Variants in SLCO3A1 observed in about 807,000 individuals in gnomAD.
The protein encoded by SLCO3A1 is PGE1 transporter.
Under a neutral mutation model 63.1 loss-of-function variants are expected in SLCO3A1, and 27 were observed. The observed-to-expected ratio is 0.43, with a 90% CI of 0.32 to 0.59. The LOEUF is 0.59. SLCO3A1 is among the 20% of genes least tolerant of loss of function. The pLI, the probability that SLCO3A1 is intolerant of heterozygous loss-of-function variation, is 0.09. For missense variants in SLCO3A1, 773 were observed against 945.8 expected (o/e 0.82, Z 2.40); for synonymous variants, 473 against 409.9 (o/e 1.15, Z -1.86).
chr15:91,981,589 A>G (rs2045988099), intron 2 of SLCO3A1, among the ~76,000 whole-genome samples: 1 of 152,170 alleles, frequency 6.6e-6, no homozygotes, highest in South Asian at 2.1e-4. Flanking sequence ...TGGTGATCGT[A>G]ACATTTATCA....
intron 2 of SLCO3A1, among the ~76,000 whole-genome samples, chr15:91,927,351 T>A (rs537190431): frequency 6.6e-6 from 1 of 152,258 alleles, no homozygotes; most frequent in East Asian, 1.9e-4. Flanking sequence ...CTTGGATCAT[T>A]AATAGAATCT....
intron 1 of SLCO3A1, among the ~76,000 whole-genome samples, chr15:91,903,965 G>C (rs942334769): frequency 7.3e-6 from 1 of 137,622 alleles, no homozygotes; most frequent in Non-Finnish European, 1.6e-5. Flanking sequence ...GAGAGGGTGA[G>C]AGTGAAGAGG....
rs1897091273 is a variant in SLCO3A1 at position 91,863,315 on chromosome 15, A to C, written c.180+9227A>C. On this transcript the variant is annotated intron_variant, in intron 1 of 9. Transcript: ENST00000318445. The surrounding 1 kb of genome is among the most constrained non-coding windows in gnomAD (Gnocchi z 4.3). ...CAGCTCCCCTTCTCTCCAGGGGTAC[A>C]GGAGGCTTGTCCTGGGTCTGTGGTC... 6.6e-6 allele frequency among the ~76,000 whole-genome samples: 1 copy of C among 152,230 alleles called. No individual in the cohort carries two copies. Among genetic ancestry groups the C allele is most frequent in the Non-Finnish European group, 1.5e-5 (1 of 68,030 alleles).
intron 1 of SLCO3A1, among the ~76,000 whole-genome samples, chr15:91,906,266 A>G (rs1357605499): frequency 2.0e-5 from 3 of 152,314 alleles, no homozygotes; most frequent in African/African-American, 4.8e-5. Context: ...ACTAGGGGCT[A>G]ACTAACTATG....
chr15:92,109,024 A>G (rs2047698016), intron 4 of SLCO3A1, among the ~76,000 whole-genome samples: 1 of 152,210 alleles, frequency 6.6e-6, no homozygotes, highest in African/African-American at 2.4e-5. Flanking sequence ...AATGCACAGA[A>G]CAGTGCATAG....
chr15:92,104,634 T>A (rs1247199553), intron 4 of SLCO3A1, 92 bp downstream of exon 4: 1 of 1,311,286 alleles, frequency 7.6e-7, no homozygotes, highest in African/African-American at 1.5e-5. Flanking sequence ...ACTGGGGTGC[T>A]TGGGGACTTG....
At chr15:91,861,087 CAGTGT>C (rs1449552731) in intron 1 of SLCO3A1, among the ~76,000 whole-genome samples, 1 of 152,208 alleles carries the variant, frequency 6.6e-6, no homozygotes, top group Non-Finnish European at 1.5e-5. Flanking sequence ...AATCAGGTGG[CAGTGT>C]ATGTTTTAGG....
rs1192771675 is a variant in SLCO3A1, at chr15:92,163,634, A to AGGTGGG, written c.*508_*513dup. The AGGTGGG allele has an allele frequency of 5.1e-6, 5 of 984,356 alleles. No homozygotes were observed. Among genetic ancestry groups the AGGTGGG allele is most frequent in the Middle Eastern group, 5.2e-4 (1 of 1,910 alleles). The allele number at this position is 984,356 out of a possible 1,614,324, so 61.0% of individuals were successfully genotyped here. On this transcript the variant is annotated 3_prime_UTR_variant, in exon 10 of 10. Transcript: ENST00000318445. ...ACACCCCGTGCCACCCTCTTCCTCC[A>AGGTGGG]GGTGGGGGTGGGGGCGGGCGCACAA...
intron 2 of SLCO3A1, among the ~76,000 whole-genome samples, chr15:91,920,739 A>G (rs1469367466): frequency 6.6e-6 from 1 of 152,142 alleles, no homozygotes; most frequent in African/African-American, 2.4e-5. Flanking sequence ...AGGCCACCTT[A>G]CAACTTCCCA....
At chr15:91,869,008 A>G (rs76175185) in intron 1 of SLCO3A1, among the ~76,000 whole-genome samples, 7,630 of 152,238 alleles carry the variant, frequency 0.05, 617 homozygotes, top group African/African-American at 0.17. Context: ...AAAATTCAAA[A>G]TCCCCCATTC....
At chr15:92,150,829 C>A in intron 8 of SLCO3A1, 121 bp from the exon 9 acceptor site, 2 of 596,590 alleles carry the variant, frequency 3.4e-6, no homozygotes, top group Non-Finnish European at 2.9e-6. Context: ...AAAAAAGACA[C>A]TATTAGTAAT....
intron 1 of SLCO3A1, among the ~76,000 whole-genome samples, chr15:91,899,468 A>G (rs1381316449): frequency 1.3e-5 from 2 of 152,098 alleles, no homozygotes; most frequent in African/African-American, 4.8e-5. Flanking sequence ...TTTACTCTAT[A>G]AGATGTATGT....
intron 9 of SLCO3A1, among the ~76,000 whole-genome samples, chr15:92,155,553 ATG>A (rs1207062371): frequency 6.6e-6 from 1 of 152,146 alleles, no homozygotes; most frequent in African/African-American, 2.4e-5. Flanking sequence ...GGGAGAGTGA[ATG>A]TACATTCAGA....
intron 3 of SLCO3A1, among the ~76,000 whole-genome samples, chr15:92,100,306 C>T (rs540924704): frequency 1.3e-5 from 2 of 152,260 alleles, no homozygotes; most frequent in East Asian, 1.9e-4. Flanking sequence ...GGAATGACCA[C>T]GGGGTAGATT....
chr15:91,941,953 G>T lies in SLCO3A1; in HGVS notation c.646+25495G>T, dbSNP rs538191262. On this transcript the variant is annotated intron_variant, in intron 2 of 9. Coordinates refer to ENST00000318445, the MANE Select transcript of SLCO3A1 (RefSeq NM_013272.4). This position sits in a 1 kb window ranked among gnomAD's most constrained non-coding sequence, Gnocchi z 4.4. ...GGGCTTGCACCAGCGTACTGGCTGA[G>T]GACTGCCTGCCTTTGAGCTAGGTCT... 8.5e-5 allele frequency among the ~76,000 whole-genome samples: 13 copies of T among 152,316 alleles called. No individual in the cohort carries two copies. Among genetic ancestry groups the T allele is most frequent in the Admixed American group, 3.3e-4 (5 of 15,298 alleles).
At chr15:92,058,490 C>T (rs1256470035) in intron 2 of SLCO3A1, among the ~76,000 whole-genome samples, 2 of 152,050 alleles carry the variant, frequency 1.3e-5, no homozygotes, top group African/African-American at 4.8e-5. Flanking sequence ...GTTGGGTGTC[C>T]CGCAGGGTAT....
intron 2 of SLCO3A1, among the ~76,000 whole-genome samples, chr15:91,986,577 G>A (rs1265616656): frequency 2.0e-5 from 3 of 150,858 alleles, no homozygotes; most frequent in Non-Finnish European, 2.9e-5. Context: ...CTAGTGAGAC[G>A]TTTACATTCT....
At chr15:92,135,653 C>T (rs891283613) in intron 7 of SLCO3A1, among the ~76,000 whole-genome samples, 6 of 152,172 alleles carry the variant, frequency 3.9e-5, no homozygotes, top group Admixed American at 2.0e-4. Context: ...GTCTGAGGAA[C>T]GTCAGTGAAT....
intron 2 of SLCO3A1, among the ~76,000 whole-genome samples, chr15:92,021,799 G>A (rs1266421430): frequency 6.6e-6 from 1 of 152,148 alleles, no homozygotes; most frequent in East Asian, 1.9e-4. Context: ...TCTGTGCAAA[G>A]CAAGCACCAG....
Sources: gnomAD v4.1 joint callset for allele counts (sites outside exome capture counted in the v4.1 genomes callset) on GRCh38, gnomAD v4.1.1 for gene constraint, Gnocchi (gnomAD v3.1) non-coding constraint, MANE v1.5 for transcripts, NCBI Gene and HGNC (gene_info 2026-07-23, HGNC 2026-07-21) for gene names.